The following CAVIN4 variants were observed in gnomAD, a reference collection of about 807,000 sequenced individuals.
CAVIN4 encodes the protein caveolae-associated protein 4.
Under a neutral mutation model 18.6 loss-of-function variants are expected in CAVIN4, and 10 were observed. The observed-to-expected ratio is 0.54, with a 90% CI of 0.33 to 0.91. The LOEUF (loss-of-function observed/expected upper bound fraction) is 0.91. CAVIN4 is among the 40% of genes least tolerant of loss of function. The pLI is 0.02. For missense variants in CAVIN4, 459 were observed against 440.5 expected, an observed-to-expected ratio of 1.04 and a Z score of -0.38; for synonymous variants, 173 against 164.8, an observed-to-expected ratio of 1.05 and a Z score of -0.38.
intron 1 of CAVIN4, among the ~76,000 whole-genome samples, chr9:100,585,150 G>A (rs1839463549): frequency 1.3e-5 from 2 of 152,164 alleles, no homozygotes; most frequent in Non-Finnish European, 2.9e-5. Flanking sequence ...AGGAGGCATT[G>A]CGCAAGTTCA....
chr9:100,577,860 T>G (rs1035305546), upstream of CAVIN4, among the ~76,000 whole-genome samples: 1 of 152,186 alleles, frequency 6.6e-6, no homozygotes, highest in African/African-American at 2.4e-5. Context: ...CATGGTGGCT[T>G]TAGTGAACTT....
chr9:100,581,969 G>T lies in CAVIN4; in HGVS notation c.408+3418G>T, dbSNP rs151060622. On this transcript the variant is annotated intron_variant, in intron 1 of 1. Coordinates refer to ENST00000307584, the MANE Select transcript of CAVIN4 (RefSeq NM_001018116.2). ...TAGACTCTCTAATCCTATAGCCAAA[G>T]AATTTAATTTTAAATAAGTATCCAA... Among the ~76,000 whole-genome samples, 376 of 152,254 alleles carry T rather than the reference G, an allele frequency of 2.5e-3. 3 individuals are homozygous for T. Among genetic ancestry groups the T allele is most frequent in the African/African-American group, 8.3e-3 (346 of 41,532 alleles).
Position 100,586,453 on chromosome 9 carries a change from G to C in CAVIN4, c.*2G>C, listed in dbSNP as rs1839481921. 6.2e-7 allele frequency: 1 copy of C among 1,609,922 alleles called. No individual in the cohort carries two copies. Among genetic ancestry groups the C allele is most frequent in the South Asian group, 1.1e-5 (1 of 91,040 alleles). ...TTAGATTTAAAGCACTCATCGTAAA[G>C]AGGAATTAAGTATATCCTAAATATG... On this transcript the variant is annotated 3_prime_UTR_variant, in exon 2 of 2. Transcript: ENST00000307584.
At chr9:100,582,025 C>G (rs1334061225) in intron 1 of CAVIN4, among the ~76,000 whole-genome samples, 3 of 152,150 alleles carry the variant, frequency 2.0e-5, no homozygotes, top group African/African-American at 7.2e-5. Flanking sequence ...ATCTTCTTGA[C>G]TATCAGGCTG....
In CAVIN4 at chr9:100,585,982, AGAC is replaced by A. The variant is rs1216090385; in HGVS notation, c.627_629del (p.Thr210del). 2 of 1,614,088 alleles carry A rather than the reference AGAC, an allele frequency of 1.2e-6. No individual in the cohort carries two copies. The highest frequency in any genetic ancestry group is 1.7e-6 in the Non-Finnish European group (2 of 1,180,056). On this transcript the variant is annotated inframe_deletion, in exon 2 of 2. Transcript: ENST00000307584. ...GCATTTTCCAAAGAAAACATGCAGAAGACACGGCAGAATCTTGACAAGAAAGTG... is the reference window on the plus strand; with the variant it reads ...GCATTTTCCAAAGAAAACATGCAGAAACGGCAGAATCTTGACAAGAAAGTG...
intron 1 of CAVIN4, among the ~76,000 whole-genome samples, chr9:100,582,467 T>C (rs1157559730): frequency 6.6e-6 from 1 of 152,192 alleles, no homozygotes; most frequent in East Asian, 1.9e-4. Context: ...TTCTTCAGCC[T>C]TCCAAGTAGT....
In CAVIN4 at chr9:100,578,278, C is replaced by T; in HGVS notation, c.135C>T (p.Asp45=). 1 of 1,613,980 alleles carries T rather than the reference C, an allele frequency of 6.2e-7. No individual in the cohort carries two copies. The highest frequency in any genetic ancestry group is 8.5e-7 in the Non-Finnish European group (1 of 1,179,992). ...TVLDKVASIV[D]SVQASQKRIE... The stretch of plus-strand genomic sequence containing the variant: ...TGGACAAAGTAGCCTCCATCGTGGA[C>T]AGTGTGCAGGCAAGCCAGAAGAGAA... The change falls in exon 1 of 2, where the codon GAC becomes GAT. Residue 45 remains aspartate (D), a synonymous_variant. Coordinates refer to ENST00000307584, the MANE Select transcript of CAVIN4 (RefSeq NM_001018116.2).
Position 100,586,263 on chromosome 9 carries a change from C to G in CAVIN4, c.907C>G (p.Leu303Val). ...GGACATCATTGCCAGGAGCGAGTCT[C>G]TGGGCCCCATCAGTGAGCTCTACTC... is the stretch of plus-strand genomic sequence containing the variant. ...GVDIIARSES[L>V]GPISELYSDE... Residue 303 changes from leucine to valine, a missense_variant, in exon 2 of 2, where the codon CTG becomes GTG. Coordinates refer to ENST00000307584, the MANE Select transcript of CAVIN4 (RefSeq NM_001018116.2). 2 of 1,589,896 alleles carry G rather than the reference C, an allele frequency of 1.3e-6. No individual in the cohort carries two copies. Among genetic ancestry groups the G allele is most frequent in the East Asian group, 4.5e-5 (2 of 44,576 alleles).
chr9:100,585,631 A>T, intron 1 of CAVIN4, 134 bp from the exon 2 acceptor site: 5 of 754,288 alleles, frequency 6.6e-6, no homozygotes, highest in South Asian at 6.2e-5. Context: ...AGAAACCCTA[A>T]GAAATGGTAA....
chr9:100,585,943 A>C lies in CAVIN4; in HGVS notation c.587A>C (p.Asp196Ala), dbSNP rs764656387. 1.9e-6 allele frequency: 3 copies of C among 1,614,160 alleles called. No homozygotes were observed. Among genetic ancestry groups the C allele is most frequent in the Non-Finnish European group, 2.5e-6 (3 of 1,180,038 alleles). Residue 196 changes from aspartate to alanine, a missense_variant, in exon 2 of 2, where the codon GAT (aspartate) becomes GCT (alanine). By Grantham distance (126) the Asp-to-Ala change is moderately radical. Coordinates refer to ENST00000307584, the MANE Select transcript of CAVIN4 (RefSeq NM_001018116.2). ...AGGAAGTCAGGCAAGGAGCACATTGATAATATCAAGAAGGCATTTTCCAAA... is the reference window on the plus strand; with the variant it reads ...AGGAAGTCAGGCAAGGAGCACATTGCTAATATCAAGAAGGCATTTTCCAAA... ...RLRKSGKEHI[D>A]NIKKAFSKEN...
At chr9:100,577,518 T>C (rs760072093), upstream of CAVIN4, 4 of 152,518 alleles carry the variant, frequency 2.6e-5, no homozygotes, top group Non-Finnish European at 4.4e-5. Context: ...TATTCAGCTG[T>C]TTAACATGTA....
chr9:100,581,540 A>C (rs912633884), intron 1 of CAVIN4, among the ~76,000 whole-genome samples: 1 of 152,228 alleles, frequency 6.6e-6, no homozygotes, highest in African/African-American at 2.4e-5. Context: ...TTCAGTTATT[A>C]TAACAGTCTA....
chr9:100,586,182 A>T lies in CAVIN4; in HGVS notation c.826A>T (p.Lys276Ter), dbSNP rs1839476041. The change falls in exon 2 of 2, where the codon AAA (lysine) becomes TAA (stop). Residue 276 changes from lysine to a stop codon, truncating the protein, a stop_gained. Coordinates refer to ENST00000307584, the MANE Select transcript of CAVIN4 (RefSeq NM_001018116.2). LOFTEE classifies it low-confidence loss of function (END_TRUNC). ...KEAFKMRSLR[K>*]GKDRTVAEGE... ...AGCTTTTAAGATGCGCAGCCTCAGG[A>T]AAGGTAAGGACCGAACAGTGGCTGA... The T allele has an allele frequency of 1.9e-6, 3 of 1,560,210 alleles. No individual in the cohort carries two copies. In the South Asian group the frequency reaches 3.7e-5, roughly 19 times the overall value.
At position 100,587,901 on chromosome 9, in the gene CAVIN4, AAAAAAG is replaced by A. The variant is rs151124470; in HGVS notation, c.*1455_*1460del. On this transcript the variant is annotated 3_prime_UTR_variant, in exon 2 of 2. Transcript: ENST00000307584. ...CCAGACTCTGTTTCAAAAAAAAAGA[AAAAAAG>A]AAAAGAAAGAAATGGTAGTACTGAT... 15,600 of 152,270 alleles carry A rather than the reference AAAAAAG, an allele frequency of 0.1. 978 individuals are homozygous for A. Among genetic ancestry groups the A allele is most frequent in the Middle Eastern group, 0.16 (46 of 290 alleles). 9.4% of individuals were successfully genotyped at this position (152,270 alleles called of 1,614,324 possible).
Position 100,587,258 on chromosome 9 carries a change from A to G in CAVIN4, c.*807A>G, listed in dbSNP as rs1839490331. 1 of 152,176 alleles carries G rather than the reference A, an allele frequency of 6.6e-6. No individual in the cohort carries two copies. The highest frequency in any genetic ancestry group is 2.4e-5 in the African/African-American group (1 of 41,434). 9.4% of individuals were successfully genotyped at this position (152,176 alleles called of 1,614,324 possible). On this transcript the variant is annotated 3_prime_UTR_variant, in exon 2 of 2. Transcript: ENST00000307584. ...TGACCACTTTTTCATCAGACTAACT[A>G]TATCTTGGGTTTTAGTTGGGTCTCA...
intron 1 of CAVIN4, among the ~76,000 whole-genome samples, chr9:100,584,297 C>T (rs997720123): frequency 1.4e-4 from 22 of 152,216 alleles, no homozygotes; most frequent in African/African-American, 4.3e-4. Context: ...CTTGTTTGTC[C>T]CTCTCCGAGA....
Position 100,586,298 on chromosome 9 carries a change from C to T in CAVIN4, c.942C>T (p.Leu314=). Residue 314 remains leucine, a synonymous_variant, in exon 2 of 2, where the codon CTC becomes CTT. Transcript: ENST00000307584. The part of the protein sequence containing the change: ...GPISELYSDE[L]SEPEHEAARP... ...TCAGTGAGCTCTACTCTGATGAGCT[C>T]AGTGAACCAGAACACGAGGCAGCCA... 1 of 1,613,058 alleles carries T rather than the reference C, an allele frequency of 6.2e-7. No individual in the cohort carries two copies. The highest frequency in any genetic ancestry group is 8.5e-7 in the Non-Finnish European group (1 of 1,179,460).
rs754345642 is a variant in CAVIN4, at chr9:100,585,942, GA to G, written c.587del (p.Asp196ValfsTer23). 3 of 1,613,992 alleles carry G rather than the reference GA, an allele frequency of 1.9e-6. No individual in the cohort carries two copies. Among genetic ancestry groups the G allele is most frequent in the Non-Finnish European group, 2.5e-6 (3 of 1,180,040 alleles). On this transcript the variant is annotated frameshift_variant, in exon 2 of 2. Coordinates refer to ENST00000307584, the MANE Select transcript of CAVIN4 (RefSeq NM_001018116.2). LOFTEE classifies it high-confidence loss of function. ...TAGGAAGTCAGGCAAGGAGCACATT[GA>G]TAATATCAAGAAGGCATTTTCCAAA... ...RLRKSGKEHI[D>X]NIKKAFSKEN...
In CAVIN4 at chr9:100,583,441, C is replaced by T. The variant is rs116376330; in HGVS notation, c.409-2324C>T. On this transcript the variant is annotated intron_variant, in intron 1 of 1. Coordinates refer to ENST00000307584, the MANE Select transcript of CAVIN4 (RefSeq NM_001018116.2). ...TTGGCTCCTACCTTCAAAGCAGCTCCGAATCAGACTGCTTCTCACCCCCAA... is the reference window on the plus strand; with the variant it reads ...TTGGCTCCTACCTTCAAAGCAGCTCTGAATCAGACTGCTTCTCACCCCCAA... Among the ~76,000 whole-genome samples, 885 of 152,264 alleles carry T rather than the reference C, an allele frequency of 5.8e-3. 8 individuals are homozygous for T. The highest frequency in any genetic ancestry group is 0.02 in the African/African-American group (838 of 41,540).
Sources: gnomAD v4.1 joint callset for allele counts (sites outside exome capture counted in the v4.1 genomes callset) on GRCh38, gnomAD v4.1.1 for gene constraint, MANE v1.5 for transcripts, NCBI Gene and HGNC (gene_info 2026-07-23, HGNC 2026-07-21) for gene names.